CDS1: variants seen among roughly 807,000 people sequenced by gnomAD.
The protein encoded by CDS1 is CDP-diacylglycerol synthase 1, also known as phosphatidate cytidylyltransferase 1.
Under a neutral mutation model 62.1 loss-of-function variants are expected in CDS1, and 41 were observed. The observed-to-expected ratio is 0.66, with a 90% CI of 0.51 to 0.86. The LOEUF is 0.86. CDS1 is among the 40% of genes least tolerant of loss of function. The pLI is 0.00. For missense variants in CDS1, 470 were observed against 550.1 expected, an observed-to-expected ratio of 0.85 and a Z score of 1.46; for synonymous variants, 185 against 192.6, an observed-to-expected ratio of 0.96 and a Z score of 0.32.
At chr4:84,613,322 T>C (rs1560472401) in intron 3 of CDS1, among the ~76,000 whole-genome samples, 1 of 152,082 alleles carries the variant, frequency 6.6e-6, no homozygotes, top group Non-Finnish European at 1.5e-5. Flanking sequence ...TAAAAACTTC[T>C]AGGAGGTCGG....
chr4:84,600,291 A>C (rs1722897112), intron 1 of CDS1, among the ~76,000 whole-genome samples: 1 of 152,128 alleles, frequency 6.6e-6, no homozygotes, highest in Non-Finnish European at 1.5e-5. Context: ...TGATTTGAAA[A>C]TATGTTTCGT....
At chr4:84,629,356 T>G (rs1338742772) in intron 5 of CDS1, among the ~76,000 whole-genome samples, 1 of 145,420 alleles carries the variant, frequency 6.9e-6, no homozygotes, top group Non-Finnish European at 1.5e-5. Context: ...GAAAATACTC[T>G]GAAAAAAAAA....
chr4:84,613,086 A>G (rs1191711950), intron 3 of CDS1, among the ~76,000 whole-genome samples: 1 of 144,074 alleles, frequency 6.9e-6, no homozygotes, highest in Non-Finnish European at 1.5e-5. Context: ...ACATGCATAG[A>G]TATATATATA....
chr4:84,636,669 C>T (rs1355326755), intron 8 of CDS1, among the ~76,000 whole-genome samples: 4 of 152,060 alleles, frequency 2.6e-5, no homozygotes, highest in Non-Finnish European at 2.9e-5. Context: ...GGATTACAGG[C>T]GGCTGCCACC....
At position 84,645,223 on chromosome 4, in the gene CDS1, A is replaced by G. The variant is rs1278758303; in HGVS notation, c.1154A>G (p.Asp385Gly). Residue 385 changes from aspartate (D) to glycine (G), a missense_variant and splice_region_variant, in exon 12 of 13, where the codon GAT becomes GGT. By Grantham distance (94) the Asp-to-Gly change is moderately conservative. Transcript: ENST00000295887. ...SGFKRAFKIK[D>G]FANTIPGHGG... is the part of the protein sequence containing the mutation. ...TAATATATTTGTTTGTTTCTAAAGGATTTTGCAAATACCATTCCTGGACAT... is the reference window on the plus strand; with the variant it reads ...TAATATATTTGTTTGTTTCTAAAGGGTTTTGCAAATACCATTCCTGGACAT... 1 of 1,601,052 alleles carries G rather than the reference A, an allele frequency of 6.2e-7. No individual in the cohort carries two copies. Among genetic ancestry groups the G allele is most frequent in the African/African-American group, 1.3e-5 (1 of 74,572 alleles).
At chr4:84,640,507 G>C (rs1724345726) in intron 9 of CDS1, among the ~76,000 whole-genome samples, 1 of 151,942 alleles carries the variant, frequency 6.6e-6, no homozygotes, top group Non-Finnish European at 1.5e-5. Flanking sequence ...TTGAATTACT[G>C]GTTAATTATT....
intron 2 of CDS1, among the ~76,000 whole-genome samples, chr4:84,607,804 G>T (rs954888447): frequency 5.3e-5 from 8 of 152,072 alleles, no homozygotes; most frequent in Non-Finnish European, 7.4e-5. Context: ...ACTTTAAGTT[G>T]AATCAAAATC....
chr4:84,628,451 C>G (rs894158183), intron 5 of CDS1, among the ~76,000 whole-genome samples: 3 of 152,102 alleles, frequency 2.0e-5, no homozygotes, highest in African/African-American at 7.2e-5. Context: ...TCTGTCTCAT[C>G]TATTGGGCTT....
chr4:84,631,309 T>TA (rs1250210579), intron 5 of CDS1, among the ~76,000 whole-genome samples: 1 of 152,148 alleles, frequency 6.6e-6, no homozygotes, highest in Non-Finnish European at 1.5e-5. Context: ...GTACCTATAT[T>TA]ATAGGAATTT....
intron 12 of CDS1, among the ~76,000 whole-genome samples, chr4:84,645,997 A>G (rs1724548597): frequency 6.6e-6 from 1 of 152,162 alleles, no homozygotes; most frequent in African/African-American, 2.4e-5. Context: ...CTGCCTTGAA[A>G]TACCAGTGTG....
At chr4:84,599,707 A>G (rs1252496414) in intron 1 of CDS1, among the ~76,000 whole-genome samples, 2 of 152,022 alleles carry the variant, frequency 1.3e-5, no homozygotes, top group African/African-American at 4.8e-5. Flanking sequence ...AGATTCATCC[A>G]TGTATCAATT....
chr4:84,629,266 T>A (rs1244170422), intron 5 of CDS1, among the ~76,000 whole-genome samples: 1 of 152,060 alleles, frequency 6.6e-6, no homozygotes, highest in Non-Finnish European at 1.5e-5. Context: ...TTTTACAATG[T>A]TTTTCTTTAA....
intron 11 of CDS1, 116 bp downstream of exon 11, chr4:84,643,259 C>T (rs1026682890): frequency 2.2e-6 from 2 of 930,164 alleles, no homozygotes; most frequent in Admixed American, 2.2e-5. Context: ...ACTTTTATAT[C>T]CTATTTGTTT....
At chr4:84,633,351 A>C (rs1724082436) in intron 6 of CDS1, among the ~76,000 whole-genome samples, 1 of 152,236 alleles carries the variant, frequency 6.6e-6, no homozygotes, top group African/African-American at 2.4e-5. Flanking sequence ...CAAGTATGAA[A>C]GATAGAGTTT....
chr4:84,643,846 C>G (rs1301250206), intron 11 of CDS1, among the ~76,000 whole-genome samples: 1 of 152,204 alleles, frequency 6.6e-6, no homozygotes, highest in Non-Finnish European at 1.5e-5. Context: ...GCAATTTCAT[C>G]TCAGCTTCCC....
intron 1 of CDS1, among the ~76,000 whole-genome samples, chr4:84,603,935 A>C (rs1198242729): frequency 6.6e-6 from 1 of 152,214 alleles, no homozygotes; most frequent in Non-Finnish European, 1.5e-5. Flanking sequence ...TAACACCGTG[A>C]TCTCCCAGTT....
chr4:84,640,953 A>G lies in CDS1; in HGVS notation c.995A>G (p.Tyr332Cys). 1 of 1,608,962 alleles carries G rather than the reference A, an allele frequency of 6.2e-7. No individual in the cohort carries two copies. The highest frequency in any genetic ancestry group is 8.5e-7 in the Non-Finnish European group (1 of 1,178,060). The stretch of plus-strand genomic sequence containing the variant: ...TCAGAACTTTTCCAGCTTCAGACTT[A>G]CTCACTTCCACCCTTTCTAAAGGCA... The part of the protein sequence containing the change: ...EPSELFQLQT[Y>C]SLPPFLKAVL... Residue 332 changes from tyrosine to cysteine, a missense_variant, in exon 10 of 13, where the codon TAC becomes TGC. Tyr to Cys is a radical substitution (Grantham distance 194). This residue lies in a region of CDS1 where 214 missense variants were observed against 242.4 expected (regional missense o/e 0.88). Coordinates refer to ENST00000295887, the MANE Select transcript of CDS1 (RefSeq NM_001263.4).
chr4:84,592,437 T>C (rs566148633), intron 1 of CDS1, among the ~76,000 whole-genome samples: 17 of 152,324 alleles, frequency 1.1e-4, no homozygotes, highest in Non-Finnish European at 2.2e-4. Context: ...CCTCCCAAAG[T>C]GCTGGGATTA....
intron 5 of CDS1, among the ~76,000 whole-genome samples, chr4:84,627,247 A>G (rs540174229): frequency 6.6e-6 from 1 of 152,164 alleles, no homozygotes; most frequent in East Asian, 1.9e-4. Context: ...TCCAATTCTG[A>G]CCCCCTCATG....
Sources: gnomAD v4.1 joint callset for allele counts (sites outside exome capture counted in the v4.1 genomes callset) on GRCh38, gnomAD v4.1.1 for gene constraint, gnomAD v4.1.1 regional missense constraint, MANE v1.5 for transcripts, NCBI Gene and HGNC (gene_info 2026-07-23, HGNC 2026-07-21) for gene names.